Variants in RBFOX1 observed in about 807,000 individuals in gnomAD.
RBFOX1 encodes the protein RNA binding fox-1 homolog 1, also known as RNA binding protein fox-1 homolog 1.
A neutral mutation model predicts 57.7 loss-of-function variants in RBFOX1; 8 were observed. That is an observed-to-expected ratio of 0.14 (90% confidence interval 0.08 to 0.25). The LOEUF is 0.25. RBFOX1 is among the 10% of genes least tolerant of loss of function. RBFOX1 has a pLI of 1.00. For synonymous variants in RBFOX1, 326 were observed against 222.4 expected (o/e 1.47, Z -4.15); for missense variants, 611 against 548.5 (o/e 1.11, Z -1.14).
chr16:7,580,617 C>T (rs1016212759), intron 6 of RBFOX1, among the ~76,000 whole-genome samples: 1 of 152,156 alleles, frequency 6.6e-6, no homozygotes, highest in Non-Finnish European at 1.5e-5. Flanking sequence ...CCACAAGTCA[C>T]CACTGACCCA....
chr16:6,853,036 G>A (rs890046438), intron 3 of RBFOX1, among the ~76,000 whole-genome samples: 1 of 152,112 alleles, frequency 6.6e-6, no homozygotes, highest in Admixed American at 6.5e-5. Flanking sequence ...GTCCCAGCTG[G>A]CTTATTGCCA....
intron 3 of RBFOX1, among the ~76,000 whole-genome samples, chr16:6,853,439 C>G (rs991631842): frequency 6.6e-6 from 1 of 152,096 alleles, no homozygotes; most frequent in East Asian, 1.9e-4. Flanking sequence ...ATTGGGCTTC[C>G]TGGTTTAAAA....
At chr16:6,966,461 T>C (rs2084184016) in intron 3 of RBFOX1, among the ~76,000 whole-genome samples, 1 of 152,066 alleles carries the variant, frequency 6.6e-6, no homozygotes, top group South Asian at 2.1e-4. Flanking sequence ...GTGAGCTCAT[T>C]CTGCCATCCA....
intron 3 of RBFOX1, among the ~76,000 whole-genome samples, chr16:6,687,899 T>A (rs918839271): frequency 1.3e-5 from 2 of 152,186 alleles, no homozygotes; most frequent in African/African-American, 4.8e-5. Context: ...TGAATGCATG[T>A]TATTTCTCTC....
intron 3 of RBFOX1, among the ~76,000 whole-genome samples, chr16:6,965,694 G>A (rs567049726): frequency 6.6e-6 from 1 of 152,186 alleles, no homozygotes; most frequent in Non-Finnish European, 1.5e-5. Flanking sequence ...TATATTATCT[G>A]AACTTAAAAA....
chr16:7,701,195 C>G (rs978384437), intron 14 of RBFOX1, among the ~76,000 whole-genome samples: 1 of 145,338 alleles, frequency 6.9e-6, no homozygotes, highest in East Asian at 1.9e-4. Context: ...TCCATGTTAT[C>G]TTGGAGCATT....
At chr16:7,609,066 A>T (rs2056911462) in intron 10 of RBFOX1, among the ~76,000 whole-genome samples, 1 of 152,204 alleles carries the variant, frequency 6.6e-6, no homozygotes, top group Non-Finnish European at 1.5e-5. Flanking sequence ...AGGAAATCAA[A>T]TACTCCAAAT....
At chr16:6,702,417 G>A (rs1403082199) in intron 3 of RBFOX1, among the ~76,000 whole-genome samples, 1 of 152,176 alleles carries the variant, frequency 6.6e-6, no homozygotes, top group Non-Finnish European at 1.5e-5. Context: ...TGCCTGGCGT[G>A]CTGGCATATG....
intron 2 of RBFOX1, among the ~76,000 whole-genome samples, chr16:6,323,415 G>A (rs529547044): frequency 3.9e-5 from 6 of 152,266 alleles, no homozygotes; most frequent in Admixed American, 3.3e-4. Context: ...GAGTTCTGAG[G>A]GCATGGGGTG....
chr16:6,891,780 C>T (rs757932756), intron 3 of RBFOX1, among the ~76,000 whole-genome samples: 5 of 152,170 alleles, frequency 3.3e-5, no homozygotes, highest in Non-Finnish European at 7.3e-5. Flanking sequence ...TCATCAAATT[C>T]CTGCTGCCCA....
At chr16:7,571,082 C>A (rs559306432) in intron 5 of RBFOX1, among the ~76,000 whole-genome samples, 1 of 152,012 alleles carries the variant, frequency 6.6e-6, no homozygotes, top group Admixed American at 6.6e-5. Context: ...GGGGAAGGGG[C>A]GAAGGGAGAG....
intron 1 of RBFOX1, among the ~76,000 whole-genome samples, chr16:6,259,677 G>T (rs2097689810): frequency 6.6e-6 from 1 of 152,130 alleles, no homozygotes; most frequent in South Asian, 2.1e-4. Flanking sequence ...AAACACTGGG[G>T]CCGGGTGCAG....
At chr16:6,817,187 C>T (rs767372475) in intron 3 of RBFOX1, among the ~76,000 whole-genome samples, 1 of 152,128 alleles carries the variant, frequency 6.6e-6, no homozygotes, top group Non-Finnish European at 1.5e-5. Context: ...TGTTATACAT[C>T]ACTGTCCACT....
At chr16:6,116,846 G>A (rs761678626) in intron 1 of RBFOX1, among the ~76,000 whole-genome samples, 1 of 152,074 alleles carries the variant, frequency 6.6e-6, no homozygotes, top group Non-Finnish European at 1.5e-5. Flanking sequence ...GAGACAGAGG[G>A]AGAGAGAGGC....
At chr16:6,393,180 C>G (rs530373663) in intron 2 of RBFOX1, among the ~76,000 whole-genome samples, 4 of 152,200 alleles carry the variant, frequency 2.6e-5, no homozygotes, top group Admixed American at 6.5e-5. Flanking sequence ...TGAATTTTAC[C>G]CCTCCATCTG....
At chr16:6,784,033 C>CTTTGCTTA (rs2081487644) in intron 3 of RBFOX1, among the ~76,000 whole-genome samples, 1 of 152,052 alleles carries the variant, frequency 6.6e-6, no homozygotes, top group Non-Finnish European at 1.5e-5. Context: ...TTTATATTTT[C>CTTTGCTTA]TTTGCTTATT....
At chr16:6,906,248 C>T (rs538678515) in intron 3 of RBFOX1, among the ~76,000 whole-genome samples, 1 of 151,924 alleles carries the variant, frequency 6.6e-6, no homozygotes, top group Admixed American at 6.5e-5. Context: ...TACCCCCCCC[C>T]AAAATATACA....
At chr16:5,671,179 C>T (rs570544493) in intron 3 of RBFOX1, among the ~76,000 whole-genome samples, 1 of 152,324 alleles carries the variant, frequency 6.6e-6, no homozygotes, top group East Asian at 1.9e-4. Context: ...CTATTTCTAA[C>T]TTAAGCTAGG....
chr16:7,020,282 G>A (rs563143808), intron 3 of RBFOX1, among the ~76,000 whole-genome samples: 1 of 152,112 alleles, frequency 6.6e-6, no homozygotes, highest in African/African-American at 2.4e-5. Context: ...CTGGAGTGCA[G>A]AGGCACAGTC....
Sources: allele counts gnomAD v4.1 joint callset (sites outside exome capture counted in the v4.1 genomes callset), GRCh38; gene constraint gnomAD v4.1.1; transcripts MANE v1.5; gene names NCBI Gene and HGNC (gene_info 2026-07-23, HGNC 2026-07-21).